Variants in RPS6KC1 observed in about 807,000 individuals in gnomAD.
RPS6KC1 encodes the protein inactive ribosomal protein S6 kinase delta-1.
RPS6KC1 carries 54 observed loss-of-function variants against 103.8 expected under a neutral mutation model. The ratio of observed to expected loss-of-function variants is 0.52; its 90% CI spans 0.42 to 0.65. RPS6KC1 has a LOEUF of 0.65. RPS6KC1 is among the 30% of genes least tolerant of loss of function. The pLI, the probability that RPS6KC1 is intolerant of heterozygous loss-of-function variation, is 0.00. For missense variants in RPS6KC1, 1,151 were observed against 1,253.8 expected (o/e 0.92, Z 1.24); for synonymous variants, 439 against 438.7 (o/e 1.00, Z -0.01).
the RPS6KC1 span, among the ~76,000 whole-genome samples, chr1:213,508,625 A>G: frequency 3.9e-5 from 6 of 152,144 alleles, no homozygotes; most frequent in African/African-American, 1.4e-4. Context: ...TATGCTCCCA[A>G]TAAGTTTTTC....
chr1:213,712,977 G>A, the RPS6KC1 span, among the ~76,000 whole-genome samples: 7 of 152,098 alleles, frequency 4.6e-5, no homozygotes, highest in East Asian at 1.9e-4. Flanking sequence ...CCTGGGAATC[G>A]GTTTTTGGTT....
chr1:213,796,083 C>T, the RPS6KC1 span, among the ~76,000 whole-genome samples: 1 of 152,218 alleles, frequency 6.6e-6, no homozygotes, highest in African/African-American at 2.4e-5. Context: ...GATATTGTTA[C>T]AGCCACCAGT....
the RPS6KC1 span, among the ~76,000 whole-genome samples, chr1:213,423,825 C>T: frequency 6.6e-6 from 1 of 152,158 alleles, no homozygotes; most frequent in Non-Finnish European, 1.5e-5. Flanking sequence ...GGGGCATGGG[C>T]TCGGTGAATA....
the RPS6KC1 span, among the ~76,000 whole-genome samples, chr1:213,615,365 T>A: frequency 1.3e-5 from 2 of 152,148 alleles, no homozygotes; most frequent in Non-Finnish European, 2.9e-5. Flanking sequence ...AATGTCCTTG[T>A]TATGTGGATA....
chr1:213,456,974 T>G, the RPS6KC1 span, among the ~76,000 whole-genome samples: 2 of 152,204 alleles, frequency 1.3e-5, no homozygotes. Context: ...CCTTTTGAAA[T>G]GGCAGAAGTT....
the RPS6KC1 span, among the ~76,000 whole-genome samples, chr1:213,395,549 C>T: frequency 2.6e-5 from 4 of 152,098 alleles, no homozygotes; most frequent in Non-Finnish European, 5.9e-5. Flanking sequence ...GAGCTGGGAG[C>T]AAGAGTTAAA....
chr1:213,155,646 G>A (rs983736485), intron 6 of RPS6KC1, among the ~76,000 whole-genome samples: 9 of 152,166 alleles, frequency 5.9e-5, no homozygotes, highest in African/African-American at 2.2e-4. Context: ...AGGGGGTGAC[G>A]TCAGCAATTC....
chr1:213,067,868 A>C (rs1398629360), intron 1 of RPS6KC1, among the ~76,000 whole-genome samples: 1 of 152,244 alleles, frequency 6.6e-6, no homozygotes, highest in Non-Finnish European at 1.5e-5. Context: ...TTGTTTATGC[A>C]GTACACATGT....
intron 12 of RPS6KC1, among the ~76,000 whole-genome samples, chr1:213,250,943 C>G (rs1336053070): frequency 6.6e-6 from 1 of 151,990 alleles, no homozygotes; most frequent in African/African-American, 2.4e-5. Flanking sequence ...GTAATTGATA[C>G]AAATGATCTC....
At chr1:213,697,512 G>A in the RPS6KC1 span, among the ~76,000 whole-genome samples, 1 of 152,228 alleles carries the variant, frequency 6.6e-6, no homozygotes, top group African/African-American at 2.4e-5. Flanking sequence ...TAGCCCCACA[G>A]AGATGAACTT....
At chr1:213,831,777 T>A in the RPS6KC1 span, among the ~76,000 whole-genome samples, 1 of 152,314 alleles carries the variant, frequency 6.6e-6, no homozygotes, top group African/African-American at 2.4e-5. Context: ...CTAAGGGAAT[T>A]AAAGAATCAT....
chr1:213,588,296 CTT>C, the RPS6KC1 span, among the ~76,000 whole-genome samples: 17 of 138,840 alleles, frequency 1.2e-4, no homozygotes, highest in Non-Finnish European at 9.4e-5. Flanking sequence ...AAACCTCTGT[CTT>C]TTTTTTTTTT....
chr1:213,419,681 A>C, the RPS6KC1 span, among the ~76,000 whole-genome samples: 1 of 152,196 alleles, frequency 6.6e-6, no homozygotes, highest in African/African-American at 2.4e-5. Context: ...ACTATACACA[A>C]ATAGAACTGA....
At chr1:213,121,178 C>T (rs1240974843) in intron 5 of RPS6KC1, among the ~76,000 whole-genome samples, 3 of 152,174 alleles carry the variant, frequency 2.0e-5, no homozygotes, top group African/African-American at 7.2e-5. Context: ...AAGTGATTCT[C>T]CTGGCCTTGG....
chr1:213,798,753 T>C, the RPS6KC1 span, among the ~76,000 whole-genome samples: 1 of 152,112 alleles, frequency 6.6e-6, no homozygotes, highest in Admixed American at 6.5e-5. Flanking sequence ...CAATATTTAA[T>C]GACAGAATTT....
chr1:213,312,466 G>A, the RPS6KC1 span, among the ~76,000 whole-genome samples: 1 of 152,262 alleles, frequency 6.6e-6, no homozygotes, highest in Non-Finnish European at 1.5e-5. Flanking sequence ...CAGGGCAGGC[G>A]GCTTCTATCC....
the RPS6KC1 span, among the ~76,000 whole-genome samples, chr1:213,285,293 C>T: frequency 6.6e-6 from 1 of 152,212 alleles, no homozygotes; most frequent in African/African-American, 2.4e-5. Flanking sequence ...CCCTTATGAC[C>T]TCATCTATCC....
the RPS6KC1 span, chr1:213,839,654 A>T: frequency 6.6e-6 from 1 of 152,044 alleles, no homozygotes; most frequent in African/African-American, 2.4e-5. Context: ...TCACTACACT[A>T]CCTTTCTCCT....
chr1:213,384,281 A>ATAT, the RPS6KC1 span, among the ~76,000 whole-genome samples: 218 of 141,022 alleles, frequency 1.5e-3, no homozygotes, highest in African/African-American at 6.4e-3. Flanking sequence ...ATCTCAAAAA[A>ATAT]AAATATATAT....
Sources: gnomAD v4.1 joint callset for allele counts (sites outside exome capture counted in the v4.1 genomes callset) on GRCh38, gnomAD v4.1.1 for gene constraint, MANE v1.5 for transcripts, NCBI Gene and HGNC (gene_info 2026-07-23, HGNC 2026-07-21) for gene names.